Variants in TENM3 observed in about 807,000 individuals in gnomAD.
TENM3 encodes teneurin-3.
A neutral mutation model predicts 255.1 loss-of-function variants in TENM3; 63 were observed. That is an observed-to-expected ratio of 0.25 (90% CI 0.20 to 0.30). The LOEUF (loss-of-function observed/expected upper bound fraction) is 0.30, where lower values mean the gene tolerates loss of function less well. Among genes scored for constraint, TENM3 ranks in the 10% least tolerant of loss-of-function variants. The pLI is 1.00. For synonymous variants in TENM3, 1,306 were observed against 1,322.3 expected (o/e 0.99, Z 0.27); for missense variants, 2,929 against 3,461.1 (o/e 0.85, Z 3.86).
At chr4:182,257,455 C>A (rs1411967919) in intron 1 of TENM3, among the ~76,000 whole-genome samples, 2 of 152,144 alleles carry the variant, frequency 1.3e-5, no homozygotes, top group African/African-American at 4.8e-5. Flanking sequence ...CATGGCGTTA[C>A]TGTCTCTAAA....
chr4:182,774,369 A>G (rs1764508573), intron 23 of TENM3, among the ~76,000 whole-genome samples: 1 of 152,196 alleles, frequency 6.6e-6, no homozygotes, highest in Non-Finnish European at 1.5e-5. Context: ...AAAATTTTAA[A>G]CTGAGGCAGT....
At chr4:181,900,213 T>C in the TENM3 span, among the ~76,000 whole-genome samples, 1 of 152,204 alleles carries the variant, frequency 6.6e-6, no homozygotes, top group Admixed American at 6.5e-5. Context: ...TTTTGGCTTC[T>C]TGATTAATTT....
chr4:181,811,625 A>T, the TENM3 span, among the ~76,000 whole-genome samples: 5 of 152,316 alleles, frequency 3.3e-5, no homozygotes, highest in Non-Finnish European at 5.9e-5. Flanking sequence ...ATCATGGTGG[A>T]AGACAAAGCA....
the TENM3 span, among the ~76,000 whole-genome samples, chr4:182,027,674 G>A: frequency 1.3e-5 from 2 of 151,768 alleles, no homozygotes; most frequent in East Asian, 3.9e-4. Context: ...TTTTTATCAT[G>A]AAGGGATGTC....
chr4:182,458,789 A>C (rs1220975627), intron 3 of TENM3, among the ~76,000 whole-genome samples: 1 of 152,168 alleles, frequency 6.6e-6, no homozygotes, highest in Non-Finnish European at 1.5e-5. Context: ...TGCCTAAGGA[A>C]TAAGAAGTGA....
intron 1 of TENM3, among the ~76,000 whole-genome samples, chr4:182,278,800 A>G (rs1760179047): frequency 6.6e-6 from 1 of 152,180 alleles, no homozygotes. Context: ...TGGAGCACTA[A>G]CTGTGTGCAG....
intron 3 of TENM3, among the ~76,000 whole-genome samples, chr4:182,456,294 G>A (rs559871140): frequency 6.6e-6 from 1 of 152,146 alleles, no homozygotes; most frequent in East Asian, 1.9e-4. Context: ...TTATTTTGTT[G>A]TTGTTATTGT....
chr4:182,657,948 G>A (rs534225417), intron 6 of TENM3, among the ~76,000 whole-genome samples: 1 of 152,168 alleles, frequency 6.6e-6, no homozygotes, highest in Admixed American at 6.5e-5. Flanking sequence ...GAGCCACCTC[G>A]CCCGGTGCTT....
intron 3 of TENM3, chr4:182,448,926 C>G: frequency 5.7e-6 from 2 of 350,688 alleles, no homozygotes; most frequent in South Asian, 4.0e-5. Flanking sequence ...CCTCGGCGGC[C>G]GGGTGTAAAC....
chr4:181,739,291 G>A, the TENM3 span, among the ~76,000 whole-genome samples: 8 of 152,100 alleles, frequency 5.3e-5, no homozygotes, highest in African/African-American at 1.4e-4. Context: ...TCCAAATGTC[G>A]AAACCAATGT....
At chr4:182,615,069 A>ATATATT (rs1202422295) in intron 4 of TENM3, among the ~76,000 whole-genome samples, 11 of 130,388 alleles carry the variant, frequency 8.4e-5, no homozygotes, top group African/African-American at 2.0e-4. Context: ...ATATATATGT[A>ATATATT]TTTTTTTTTT....
chr4:182,425,745 C>A (rs372554058), intron 3 of TENM3, among the ~76,000 whole-genome samples: 2 of 152,144 alleles, frequency 1.3e-5, no homozygotes, highest in Non-Finnish European at 2.9e-5. Flanking sequence ...CATGATGGCT[C>A]CCGCCTGTAA....
At chr4:181,913,501 C>T in the TENM3 span, among the ~76,000 whole-genome samples, 17,760 of 152,116 alleles carry the variant, frequency 0.12, 1,205 homozygotes, top group Non-Finnish European at 0.16. Context: ...GTGTCTTTTC[C>T]CTGTTGGCTA....
upstream of TENM3, among the ~76,000 whole-genome samples, chr4:182,241,131 T>G (rs7694663): frequency 3.3e-5 from 5 of 151,994 alleles, no homozygotes; most frequent in Non-Finnish European, 7.4e-5. Flanking sequence ...ATTTCATTCC[T>G]TGCAGAGTTG....
At chr4:181,656,563 G>A in the TENM3 span, among the ~76,000 whole-genome samples, 1 of 152,070 alleles carries the variant, frequency 6.6e-6, no homozygotes, top group African/African-American at 2.4e-5. Flanking sequence ...CAGCGGGGAG[G>A]GTCTGAGTTC....
intron 3 of TENM3, among the ~76,000 whole-genome samples, chr4:182,515,591 A>G (rs892431662): frequency 7.2e-5 from 11 of 152,188 alleles, no homozygotes; most frequent in African/African-American, 2.7e-4. Flanking sequence ...TTTATTAATT[A>G]CTGTATATAA....
Position 182,760,344 on chromosome 4 carries a change from G to A in TENM3, c.4892+5085G>A, listed in dbSNP as rs373712383. On this transcript the variant is annotated intron_variant, in intron 22 of 27. Transcript: ENST00000511685. ...CGGTTCTTACACTCGAATGCACAAA[G>A]AAGTGAAATCCAGTGTATTGAATTG... Among the ~76,000 whole-genome samples the A allele has an allele frequency of 5.7e-3, 874 of 152,310 alleles. 2 individuals carry two copies. Among genetic ancestry groups the A allele is most frequent in the Middle Eastern group, 0.01 (3 of 294 alleles).
chr4:181,749,868 G>C, the TENM3 span, among the ~76,000 whole-genome samples: 2 of 152,136 alleles, frequency 1.3e-5, no homozygotes, highest in Non-Finnish European at 2.9e-5. Context: ...TGCTCTTAAA[G>C]GGGCTCCTTT....
rs184884380 is a variant in TENM3 at position 182,709,423 on chromosome 4, G to C, written c.2222-4664G>C. Among the ~76,000 whole-genome samples the C allele has an allele frequency of 3.1e-3, 470 of 152,216 alleles. 1 individual carries two copies. The highest frequency in any genetic ancestry group is 0.011 in the African/African-American group (448 of 41,550). On this transcript the variant is annotated intron_variant, in intron 12 of 27. Coordinates refer to ENST00000511685, the MANE Select transcript of TENM3 (RefSeq NM_001080477.4). ...CTCTAGTGTCAGAACATACTCGTTA[G>C]TTTTCAAAGTAATTTTTTGCAACCT...
Sources: gnomAD v4.1 joint callset for allele counts (sites outside exome capture counted in the v4.1 genomes callset) on GRCh38, gnomAD v4.1.1 for gene constraint, MANE v1.5 for transcripts, NCBI Gene and HGNC (gene_info 2026-07-23, HGNC 2026-07-21) for gene names.